The following BCL2L11 variants were observed in gnomAD, a reference collection of about 807,000 sequenced individuals.
BCL2L11 encodes BCL2 like 11, also known as bcl-2-like protein 11.
Under a neutral mutation model 20.6 loss-of-function variants are expected in BCL2L11, and 15 were observed. The ratio of observed to expected loss-of-function variants is 0.73; its 90% CI spans 0.49 to 1.12. The LOEUF (loss-of-function observed/expected upper bound fraction) is 1.12, where lower values mean the gene tolerates loss of function less well. BCL2L11 is among the 50% of genes most tolerant of loss of function. BCL2L11 has a pLI of 0.00. For synonymous variants in BCL2L11, 108 were observed against 92.8 expected, an observed-to-expected ratio of 1.16 and a Z score of -0.94; for missense variants, 292 against 260.9, an observed-to-expected ratio of 1.12 and a Z score of -0.82.
At chr2:111,129,712 G>C (rs913208461) in intron 2 of BCL2L11, among the ~76,000 whole-genome samples, 2 of 151,410 alleles carry the variant, frequency 1.3e-5, no homozygotes, top group African/African-American at 2.4e-5. Context: ...CCACAGTCAA[G>C]ATGCAGAACA....
chr2:111,142,566 A>G (rs1414367897), intron 2 of BCL2L11, among the ~76,000 whole-genome samples: 1 of 152,240 alleles, frequency 6.6e-6, no homozygotes, highest in Non-Finnish European at 1.5e-5. Flanking sequence ...AACCGTATAC[A>G]TTATAGGCTT....
chr2:111,123,041 G>A, intron 1 of BCL2L11: 1 of 978,434 alleles, frequency 1.0e-6, no homozygotes, highest in Middle Eastern at 5.2e-4. Flanking sequence ...CGTTCGCTTC[G>A]TCGCCCTCCG....
At chr2:111,151,892 T>C (rs2077301510) in intron 3 of BCL2L11, 1 of 1,546,282 alleles carries the variant, frequency 6.5e-7, no homozygotes. Context: ...AGATCTGAAA[T>C]GGTAATTTTT....
Position 111,146,315 on chromosome 2 carries a change from C to A in BCL2L11, c.395-3729C>A, listed in dbSNP as rs1227645435. 3 of 793,628 alleles carry A rather than the reference C, an allele frequency of 3.8e-6. No homozygotes were observed. The African/African-American group carries it at 5.6e-5, about 15-fold the overall frequency. The allele number at this position is 793,628 out of a possible 1,614,324, so 49.2% of individuals were successfully genotyped here. A position where few individuals can be genotyped will look rare whatever the true frequency, so the allele number is the denominator to read the frequency against. The stretch of plus-strand genomic sequence containing the variant: ...TATCAACATTTACGGCGGTCAGACA[C>A]ATTGCAGATAGCAAAATAAAATATT... On this transcript the variant is annotated intron_variant, in intron 2 of 3. Coordinates refer to ENST00000393256, the MANE Select transcript of BCL2L11 (RefSeq NM_138621.5).
At chr2:111,144,837 T>A (rs2076288978) in intron 2 of BCL2L11, among the ~76,000 whole-genome samples, 1 of 152,156 alleles carries the variant, frequency 6.6e-6, no homozygotes, top group Non-Finnish European at 1.5e-5. Context: ...AAGCAGAATC[T>A]CTCTGGAGAG....
At chr2:111,128,601 C>T (rs1366347732) in intron 2 of BCL2L11, 3 of 1,453,962 alleles carry the variant, frequency 2.1e-6, no homozygotes, top group Admixed American at 4.9e-5. Context: ...TACTTACCAA[C>T]ACTTTTTTTT....
rs1029944843 is a variant in BCL2L11 at position 111,165,337 on chromosome 2, C to T, written c.*1106C>T. 2 of 152,350 alleles carry T rather than the reference C, an allele frequency of 1.3e-5. No individual in the cohort carries two copies. The highest frequency in any genetic ancestry group is 4.8e-5 in the African/African-American group (2 of 41,464). The allele number at this position is 152,350 out of a possible 1,614,324, so 9.4% of individuals were successfully genotyped here. On this transcript the variant is annotated 3_prime_UTR_variant, in exon 4 of 4. Coordinates refer to ENST00000393256, the MANE Select transcript of BCL2L11 (RefSeq NM_138621.5). Reference sequence around the variant, plus strand: ...CCAGCTGCAGCATCCAGCTCACGCCCTCATGGGAATTGGCACAGGCCTGGG... The same window carrying T: ...CCAGCTGCAGCATCCAGCTCACGCCTTCATGGGAATTGGCACAGGCCTGGG...
At chr2:111,133,080 C>T (rs1446682291) in intron 2 of BCL2L11, among the ~76,000 whole-genome samples, 3 of 152,070 alleles carry the variant, frequency 2.0e-5, no homozygotes, top group African/African-American at 7.2e-5. Context: ...TGAACTTATG[C>T]AAATAACTAT....
intron 2 of BCL2L11, among the ~76,000 whole-genome samples, chr2:111,142,699 C>A (rs1206051927): frequency 6.6e-6 from 1 of 152,084 alleles, no homozygotes; most frequent in African/African-American, 2.4e-5. Context: ...ATACTGAAGA[C>A]CTTAATGTGA....
At position 111,167,497 on chromosome 2, in the gene BCL2L11, G is replaced by C. The variant is rs560067320; in HGVS notation, c.*3266G>C. 3 of 152,384 alleles carry C rather than the reference G, an allele frequency of 2.0e-5. No homozygotes were observed. The highest frequency in any genetic ancestry group is 7.2e-5 in the African/African-American group (3 of 41,574). The allele number at this position is 152,384 out of a possible 1,614,324, so 9.4% of individuals were successfully genotyped here. ...AAACCAAAGTATTATCAGCAGGTGG[G>C]AAAGATTTTTCTATTGAAAATTTAT... is the stretch of plus-strand genomic sequence containing the variant. On this transcript the variant is annotated 3_prime_UTR_variant, in exon 4 of 4. Transcript: ENST00000393256.
At chr2:111,131,396 A>G (rs1355880804) in intron 2 of BCL2L11, 1 of 152,040 alleles carries the variant, frequency 6.6e-6, no homozygotes, top group Non-Finnish European at 1.5e-5. Context: ...ATGAATGTGA[A>G]AAGTATTTGT....
At chr2:111,160,084 G>A (rs964916408) in intron 3 of BCL2L11, among the ~76,000 whole-genome samples, 4 of 152,216 alleles carry the variant, frequency 2.6e-5, no homozygotes, top group Admixed American at 1.3e-4. Flanking sequence ...CCACTACTGA[G>A]ATTATCTTTA....
chr2:111,162,143 C>T (rs2078638548), intron 3 of BCL2L11, among the ~76,000 whole-genome samples: 3 of 152,230 alleles, frequency 2.0e-5, no homozygotes, highest in African/African-American at 7.2e-5. Flanking sequence ...TTCGAGCCAA[C>T]AGCAGCTCCA....
chr2:111,121,013 G>C lies in BCL2L11; in HGVS notation c.-189G>C. ...CGCCGCCGCCGCCGCCGCCGCCGCC[G>C]CCGCCGCCACTACCACCACTTGATT... On this transcript the variant is annotated 5_prime_UTR_variant, in exon 1 of 4. Coordinates refer to ENST00000393256, the MANE Select transcript of BCL2L11 (RefSeq NM_138621.5). 2.5e-6 allele frequency: 1 copy of C among 392,474 alleles called. No individual in the cohort carries two copies. 24.3% of individuals were successfully genotyped at this position (392,474 alleles called of 1,614,324 possible).
rs577011156 is a variant in BCL2L11 at position 111,138,197 on chromosome 2, C to T, written c.395-11847C>T. On this transcript the variant is annotated intron_variant, in intron 2 of 3. Transcript: ENST00000393256. ...CTAATTTTTGTATTTTTAGTAGAGA[C>T]AGGGTTTCACTATGTTGGCCAGGCT... Among the ~76,000 whole-genome samples the T allele has an allele frequency of 4.6e-5, 7 of 152,022 alleles. No homozygotes were observed. The South Asian group carries it at 1.5e-3, about 32-fold the overall frequency.
At chr2:111,158,243 T>G (rs936640101) in intron 3 of BCL2L11, among the ~76,000 whole-genome samples, 2 of 152,220 alleles carry the variant, frequency 1.3e-5, no homozygotes, top group African/African-American at 4.8e-5. Context: ...GTTAAAATGC[T>G]GTTTAGACTG....
Position 111,121,060 on chromosome 2 carries a change from C to T in BCL2L11, c.-142C>T. ...GATTCTTGCAGCCACCCTGCGAACC[C>T]TGCCACACTGCGATCGCATCATCGC... On this transcript the variant is annotated 5_prime_UTR_variant, in exon 1 of 4. Coordinates refer to ENST00000393256, the MANE Select transcript of BCL2L11 (RefSeq NM_138621.5). 1 of 358,980 alleles carries T rather than the reference C, an allele frequency of 2.8e-6. No homozygotes were observed. The highest frequency in any genetic ancestry group is 5.0e-6 in the Non-Finnish European group (1 of 200,970). The allele number at this position is 358,980 out of a possible 1,614,324, so 22.2% of individuals were successfully genotyped here. A position where few individuals can be genotyped will look rare whatever the true frequency, so the allele number is the denominator to read the frequency against.
rs2075378588 is a variant in BCL2L11 at position 111,139,045 on chromosome 2, GA to G, written c.395-10996del. 5.9e-5 allele frequency among the ~76,000 whole-genome samples: 9 copies of G among 152,250 alleles called. No homozygotes were observed. In the South Asian group the frequency reaches 1.9e-3, roughly 32 times the overall value. On this transcript the variant is annotated intron_variant, in intron 2 of 3. Transcript: ENST00000393256. ...AGGAGCTGTCGTTCCAGGAGTATAG[GA>G]AACTCCTAGGGAAGTGAATTCATCT...
intron 1 of BCL2L11, chr2:111,122,666 G>T (rs1247356978): frequency 1.0e-6 from 1 of 983,560 alleles, no homozygotes; most frequent in Non-Finnish European, 1.2e-6. Flanking sequence ...TGTTCCCGGC[G>T]GCTGCGGCCG....
Sources: allele counts gnomAD v4.1 joint callset (sites outside exome capture counted in the v4.1 genomes callset), GRCh38; gene constraint gnomAD v4.1.1; transcripts MANE v1.5; gene names NCBI Gene and HGNC (gene_info 2026-07-23, HGNC 2026-07-21).